Variants in ADAMTS2 observed in about 807,000 individuals in gnomAD.
ADAMTS2 encodes the protein A disintegrin and metalloproteinase with thrombospondin motifs 2.
In ADAMTS2, 50 loss-of-function variants were observed where a neutral mutation model predicts 123.0. The observed-to-expected ratio is 0.41, with a 90% CI of 0.32 to 0.51. The LOEUF (loss-of-function observed/expected upper bound fraction) is 0.51. Among genes scored for constraint, ADAMTS2 ranks in the 20% least tolerant of loss-of-function variants. The probability of loss-of-function intolerance (pLI) is 0.35; values close to 1 mark genes in which losing one functional copy is unlikely to be tolerated. For synonymous variants in ADAMTS2, 678 were observed against 695.4 expected (o/e 0.98, Z 0.39); for missense variants, 1,494 against 1,705.2 (o/e 0.88, Z 2.18).
chr5:179,326,691 C>G (rs57604610), intron 2 of ADAMTS2, among the ~76,000 whole-genome samples: 11,809 of 152,164 alleles, frequency 0.078, 949 homozygotes, highest in African/African-American at 0.21. Flanking sequence ...CATAACCCAC[C>G]AGAGTAGTTA....
At chr5:179,237,845 G>A (rs1043108897) in intron 3 of ADAMTS2, among the ~76,000 whole-genome samples, 7 of 152,176 alleles carry the variant, frequency 4.6e-5, no homozygotes, top group Non-Finnish European at 1.0e-4. Flanking sequence ...AGTGCTTCTT[G>A]TACTGCAAGG....
intron 3 of ADAMTS2, among the ~76,000 whole-genome samples, chr5:179,241,645 G>A (rs1380784154): frequency 6.6e-6 from 1 of 152,206 alleles, no homozygotes; most frequent in Non-Finnish European, 1.5e-5. Context: ...CAGAATTCAA[G>A]TTTCCTCTTT....
Position 179,225,811 on chromosome 5 carries a change from A to T in ADAMTS2, c.689-18096T>A, listed in dbSNP as rs539466824. The stretch of plus-strand genomic sequence containing the variant: ...CAATAAAACCTCGCACTCATTCTCC[A>T]AGCCCACGTGTGATCTGATTCTTCC... On this transcript the variant is annotated intron_variant, in intron 3 of 21. Coordinates refer to ENST00000251582, the MANE Select transcript of ADAMTS2 (RefSeq NM_014244.5). This position sits in a 1 kb window ranked among gnomAD's most constrained non-coding sequence, Gnocchi z 4.5. Among the ~76,000 whole-genome samples the T allele has an allele frequency of 5.3e-5, 8 of 152,260 alleles. No homozygotes were observed. In the East Asian group the frequency reaches 1.5e-3, roughly 29 times the overall value.
At chr5:179,310,630 G>A (rs900694119) in intron 2 of ADAMTS2, among the ~76,000 whole-genome samples, 4 of 152,132 alleles carry the variant, frequency 2.6e-5, no homozygotes, top group African/African-American at 7.2e-5. Context: ...GGGGGCCCCC[G>A]GGAGCTTGTT....
At position 179,312,155 on chromosome 5, in the gene ADAMTS2, C is replaced by T. The variant is rs1756851241; in HGVS notation, c.534+31612G>A. Reference sequence around the variant, plus strand: ...ACGTCCGGGTCCCAATCCCTGGAACCCATAAATGTTACCTTCCATGGCAAA... The same window carrying T: ...ACGTCCGGGTCCCAATCCCTGGAACTCATAAATGTTACCTTCCATGGCAAA... On this transcript the variant is annotated intron_variant, in intron 2 of 21. Transcript: ENST00000251582. This position sits in a 1 kb window ranked among gnomAD's most constrained non-coding sequence, Gnocchi z 4.2. Among the ~76,000 whole-genome samples the T allele has an allele frequency of 6.6e-6, 1 of 152,148 alleles. No homozygotes were observed. Among genetic ancestry groups the T allele is most frequent in the African/African-American group, 2.4e-5 (1 of 41,426 alleles).
chr5:179,157,996 G>C (rs926506903), intron 6 of ADAMTS2, among the ~76,000 whole-genome samples: 3 of 150,836 alleles, frequency 2.0e-5, no homozygotes, highest in African/African-American at 7.3e-5. Context: ...ACAGAGTCTC[G>C]CACTGTCTCC....
intron 5 of ADAMTS2, among the ~76,000 whole-genome samples, chr5:179,172,927 A>G (rs2113295938): frequency 6.6e-6 from 1 of 152,196 alleles, no homozygotes; most frequent in South Asian, 2.1e-4. Flanking sequence ...ATGCTGGTCC[A>G]GGCTCAGCTG....
chr5:179,297,229 G>T (rs557174389), intron 2 of ADAMTS2, among the ~76,000 whole-genome samples: 15 of 152,248 alleles, frequency 9.9e-5, no homozygotes, highest in African/African-American at 3.6e-4. Flanking sequence ...TCGGGAAATG[G>T]GCCGGATTGA....
Position 179,314,701 on chromosome 5 carries a change from C to T in ADAMTS2, c.534+29066G>A, listed in dbSNP as rs183996952. ...AAGCCCCTGATTCTGGGGGCTTCCA[C>T]GCTCTTCCACCAAGCCCTTGTAGCC... On this transcript the variant is annotated intron_variant, in intron 2 of 21. Transcript: ENST00000251582. This position sits in a 1 kb window ranked among gnomAD's most constrained non-coding sequence, Gnocchi z 4.5. Among the ~76,000 whole-genome samples, 14 of 152,278 alleles carry T rather than the reference C, an allele frequency of 9.2e-5. No individual in the cohort carries two copies. Among genetic ancestry groups the T allele is most frequent in the Admixed American group, 4.6e-4 (7 of 15,300 alleles).
intron 2 of ADAMTS2, among the ~76,000 whole-genome samples, chr5:179,321,682 C>A (rs1262073971): frequency 6.7e-6 from 1 of 149,266 alleles, no homozygotes; most frequent in Non-Finnish European, 1.5e-5. Context: ...CAGAGCGCTC[C>A]CAACCCGAAT....
intron 4 of ADAMTS2, among the ~76,000 whole-genome samples, chr5:179,182,216 C>T (rs1404836641): frequency 6.6e-6 from 1 of 152,218 alleles, no homozygotes; most frequent in Non-Finnish European, 1.5e-5. Context: ...CTTGCATGCC[C>T]AGAGCCAGGC....
chr5:179,290,262 T>A (rs995509584), intron 2 of ADAMTS2, among the ~76,000 whole-genome samples: 10 of 152,076 alleles, frequency 6.6e-5, no homozygotes, highest in African/African-American at 2.2e-4. Flanking sequence ...TGGGTTGTTA[T>A]AAAAGCAGGA....
chr5:179,215,001 C>T (rs956502346), intron 3 of ADAMTS2, among the ~76,000 whole-genome samples: 5 of 151,972 alleles, frequency 3.3e-5, no homozygotes, highest in Non-Finnish European at 5.9e-5. Flanking sequence ...AACATTCATC[C>T]GGAAGACCAC....
Position 179,285,833 on chromosome 5 carries a change from C to T in ADAMTS2, c.535-12769G>A, listed in dbSNP as rs772166567. ...GATTTTTCTTTCTGAGCTTCCATGT[C>T]TCACCAGCTGGACCACAGCAGATTG... On this transcript the variant is annotated intron_variant, in intron 2 of 21. Coordinates refer to ENST00000251582, the MANE Select transcript of ADAMTS2 (RefSeq NM_014244.5). The surrounding 1 kb of genome is among the most constrained non-coding windows in gnomAD (Gnocchi z 4.9). Among the ~76,000 whole-genome samples the T allele has an allele frequency of 6.6e-6, 1 of 152,202 alleles. No homozygotes were observed. Among genetic ancestry groups the T allele is most frequent in the Non-Finnish European group, 1.5e-5 (1 of 68,040 alleles).
chr5:179,193,445 C>T (rs1206233150), intron 4 of ADAMTS2, among the ~76,000 whole-genome samples: 6 of 152,154 alleles, frequency 3.9e-5, no homozygotes, highest in Admixed American at 6.5e-5. Context: ...GCATGGGAGT[C>T]AGTACAGAGG....
Position 179,290,610 on chromosome 5 carries a change from T to C in ADAMTS2, c.535-17546A>G, listed in dbSNP as rs566256503. ...GAAATCTATGCTATTTTTGCAACTT[T>C]TCTTGCAATTTTTCCAAGACAGCAT... On this transcript the variant is annotated intron_variant, in intron 2 of 21. Coordinates refer to ENST00000251582, the MANE Select transcript of ADAMTS2 (RefSeq NM_014244.5). Among the ~76,000 whole-genome samples the C allele has an allele frequency of 2.0e-4, 30 of 152,322 alleles. No individual in the cohort carries two copies. The South Asian group carries it at 6.0e-3, about 30-fold the overall frequency.
intron 3 of ADAMTS2, among the ~76,000 whole-genome samples, chr5:179,229,529 G>T (rs1161301326): frequency 2.0e-5 from 3 of 152,168 alleles, no homozygotes; most frequent in Admixed American, 6.5e-5. Context: ...CCAGGTCAGT[G>T]GCATCCAGCC....
At chr5:179,114,387 A>T (rs934159753) in intron 21 of ADAMTS2, 63 bp from the exon 22 acceptor site, 81 of 1,522,924 alleles carry the variant, frequency 5.3e-5, no homozygotes, top group Non-Finnish European at 7.0e-5. Context: ...GTTCCCCCAC[A>T]GGGTGCAGCT....
At chr5:179,160,683 G>C (rs1055995800) in intron 5 of ADAMTS2, among the ~76,000 whole-genome samples, 1 of 152,172 alleles carries the variant, frequency 6.6e-6, no homozygotes, top group Non-Finnish European at 1.5e-5. Flanking sequence ...CATGAGTCCC[G>C]ATGAAATAAG....
Sources: gnomAD v4.1 joint callset for allele counts (sites outside exome capture counted in the v4.1 genomes callset) on GRCh38, gnomAD v4.1.1 for gene constraint, Gnocchi (gnomAD v3.1) non-coding constraint, MANE v1.5 for transcripts, NCBI Gene and HGNC (gene_info 2026-07-23, HGNC 2026-07-21) for gene names.